Variants in ASB3 observed in about 807,000 individuals in gnomAD.
The protein encoded by ASB3 is ankyrin repeat and SOCS box containing 3, also known as ankyrin repeat and SOCS box protein 3.
In ASB3, 41 loss-of-function variants were observed where a neutral mutation model predicts 54.5. The observed-to-expected ratio is 0.75, with a 90% CI of 0.59 to 0.98. ASB3 has a LOEUF of 0.98. Among genes scored for constraint, ASB3 ranks in the 50% least tolerant of loss-of-function variants. The pLI is 0.00. For missense variants in ASB3, 733 were observed against 620.0 expected, an observed-to-expected ratio of 1.18 and a Z score of -1.94; for synonymous variants, 266 against 221.2, an observed-to-expected ratio of 1.20 and a Z score of -1.80.
At chr2:53,671,042 T>C (rs1045178091) in intron 9 of ASB3, among the ~76,000 whole-genome samples, 1 of 152,198 alleles carries the variant, frequency 6.6e-6, no homozygotes, top group South Asian at 2.1e-4. Flanking sequence ...TTCCTCTTAA[T>C]CTATTTCATT....
intron 8 of ASB3, among the ~76,000 whole-genome samples, chr2:53,694,865 A>G (rs774061792): frequency 1.3e-5 from 2 of 152,206 alleles, no homozygotes; most frequent in African/African-American, 2.4e-5. Context: ...ACATACTTTT[A>G]AAACTATAAA....
chr2:53,730,089 T>C (rs770420432), intron 3 of ASB3, among the ~76,000 whole-genome samples: 3 of 152,208 alleles, frequency 2.0e-5, no homozygotes, highest in Non-Finnish European at 4.4e-5. Context: ...GTAAACGTTC[T>C]TACTTATGTG....
intron 9 of ASB3, among the ~76,000 whole-genome samples, chr2:53,692,602 G>A (rs1668976174): frequency 6.6e-6 from 1 of 152,118 alleles, no homozygotes; most frequent in Admixed American, 6.6e-5. Flanking sequence ...CAGTACTCAA[G>A]CACAATTTTT....
intron 5 of ASB3, among the ~76,000 whole-genome samples, chr2:53,726,375 C>G (rs1276948491): frequency 6.6e-6 from 1 of 151,388 alleles, no homozygotes; most frequent in African/African-American, 2.4e-5. Flanking sequence ...ATTCTCCTGC[C>G]TCAGCCTCCT....
At chr2:53,695,065 T>G (rs765338396) in intron 8 of ASB3, among the ~76,000 whole-genome samples, 2 of 152,120 alleles carry the variant, frequency 1.3e-5, no homozygotes, top group Non-Finnish European at 2.9e-5. Context: ...GGGCTTCTAG[T>G]AATTACTACC....
At chr2:53,700,577 A>G in intron 7 of ASB3, 49 bp from the exon 8 acceptor site, 1 of 1,555,944 alleles carries the variant, frequency 6.4e-7, no homozygotes, top group Non-Finnish European at 8.6e-7. Flanking sequence ...AGACTTTGAC[A>G]TAAGATACTT....
At chr2:53,742,833 C>T (rs1672009612) in intron 3 of ASB3, among the ~76,000 whole-genome samples, 1 of 151,844 alleles carries the variant, frequency 6.6e-6, no homozygotes, top group South Asian at 2.1e-4. Context: ...CATGTAAACA[C>T]GCTGGCCCAA....
At position 53,670,436 on chromosome 2, in the gene ASB3, C is replaced by A; in HGVS notation, c.*67G>T. 2.0e-6 allele frequency: 3 copies of A among 1,531,238 alleles called. No individual in the cohort carries two copies. Among genetic ancestry groups the A allele is most frequent in the Non-Finnish European group, 2.6e-6 (3 of 1,134,688 alleles). The allele number at this position is 1,531,238 out of a possible 1,614,324, so 94.9% of individuals were successfully genotyped here. A position where few individuals can be genotyped will look rare whatever the true frequency, so the allele number is the denominator to read the frequency against. ...CTATAAAATCATAAAAACTTGTACT[C>A]TGTGGCTCTTTTGTCTCGATGATTT... On this transcript the variant is annotated 3_prime_UTR_variant, in exon 10 of 10. Coordinates refer to ENST00000263634, the MANE Select transcript of ASB3 (RefSeq NM_016115.5).
At chr2:53,751,023 T>A in intron 2 of ASB3, 82 bp from the exon 3 acceptor site, 13 of 1,375,794 alleles carry the variant, frequency 9.4e-6, no homozygotes, top group Non-Finnish European at 1.1e-5. Flanking sequence ...CAAGAGGAAT[T>A]TAATGAACTA....
chr2:53,683,384 T>G (rs914143532), intron 9 of ASB3, among the ~76,000 whole-genome samples: 2 of 152,118 alleles, frequency 1.3e-5, no homozygotes, highest in Non-Finnish European at 2.9e-5. Context: ...TTGTTGAGTA[T>G]CAATATTCAT....
In ASB3 at chr2:53,765,482, T is replaced by G. The variant is rs1300664596; in HGVS notation, c.91A>C (p.Lys31Gln). 9 of 1,614,144 alleles carry G rather than the reference T, an allele frequency of 5.6e-6. No homozygotes were observed. The highest frequency in any genetic ancestry group is 3.3e-5 in the Admixed American group (2 of 60,016). ...GNVKVLRKLL[K>Q]KGRSVDVADN... The stretch of plus-strand genomic sequence containing the variant: ...GCAACATCGACACTTCGGCCCTTTT[T>G]GAGCAGTTTCCTTAAGACTTTAACA... Residue 31 changes from lysine to glutamine, a missense_variant, in exon 2 of 10, where the codon AAA (lysine) becomes CAA (glutamine). Coordinates refer to ENST00000263634, the MANE Select transcript of ASB3 (RefSeq NM_016115.5).
chr2:53,679,545 A>G (rs1668253646), intron 9 of ASB3, among the ~76,000 whole-genome samples: 1 of 152,120 alleles, frequency 6.6e-6, no homozygotes, highest in Non-Finnish European at 1.5e-5. Flanking sequence ...GGCCTACACG[A>G]AATTTCATTA....
At chr2:53,775,931 T>C (rs1405891203) in intron 1 of ASB3, among the ~76,000 whole-genome samples, 1 of 152,242 alleles carries the variant, frequency 6.6e-6, no homozygotes, top group Admixed American at 6.5e-5. Context: ...GGGTGTATGC[T>C]GCTACTCAAC....
At chr2:53,786,279 C>T (rs938001552) in intron 1 of ASB3, 1 of 152,158 alleles carries the variant, frequency 6.6e-6, no homozygotes, top group African/African-American at 2.4e-5. Context: ...ACATAAGGAA[C>T]CTTACCAGCT....
intron 5 of ASB3, among the ~76,000 whole-genome samples, chr2:53,727,049 T>C (rs1671041450): frequency 1.3e-5 from 2 of 152,144 alleles, no homozygotes; most frequent in Admixed American, 6.5e-5. Context: ...AGGTATGATG[T>C]AGTAGAAGGA....
intron 1 of ASB3, chr2:53,774,101 T>G: frequency 2.0e-6 from 3 of 1,526,976 alleles, no homozygotes; most frequent in Non-Finnish European, 2.6e-6. Flanking sequence ...CTATTTTAAT[T>G]AGCCTTATAA....
intron 3 of ASB3, among the ~76,000 whole-genome samples, chr2:53,731,739 G>T (rs1352792615): frequency 1.3e-5 from 2 of 151,838 alleles, no homozygotes; most frequent in Non-Finnish European, 2.9e-5. Context: ...TACAACCTCT[G>T]CCTCCCAGGT....
intron 1 of ASB3, chr2:53,774,077 CA>C: frequency 6.9e-7 from 1 of 1,455,300 alleles, no homozygotes. Context: ...CCTTAGATCA[CA>C]ACCTTTCTTC....
chr2:53,750,280 T>A (rs769000885), intron 3 of ASB3, among the ~76,000 whole-genome samples: 15 of 152,118 alleles, frequency 9.9e-5, no homozygotes, highest in Non-Finnish European at 2.1e-4. Context: ...CCATTTAGAA[T>A]TTGGCTGTCG....
Sources: gnomAD v4.1 joint callset for allele counts (sites outside exome capture counted in the v4.1 genomes callset) on GRCh38, gnomAD v4.1.1 for gene constraint, MANE v1.5 for transcripts, NCBI Gene and HGNC (gene_info 2026-07-23, HGNC 2026-07-21) for gene names.